Variants in ANKRD31 observed in about 807,000 individuals in gnomAD.
The protein encoded by ANKRD31 is ankyrin repeat domain 31.
A neutral mutation model predicts 186.0 loss-of-function variants in ANKRD31; 147 were observed. The ratio of observed to expected loss-of-function variants is 0.79; its 90% CI spans 0.69 to 0.91. The LOEUF (loss-of-function observed/expected upper bound fraction) is 0.91, where lower values mean the gene tolerates loss of function less well. Among genes scored for constraint, ANKRD31 ranks in the 40% least tolerant of loss-of-function variants. The pLI, the probability that ANKRD31 is intolerant of heterozygous loss-of-function variation, is 0.00. For missense variants in ANKRD31, 1,986 were observed against 2,148.8 expected, an observed-to-expected ratio of 0.92 and a Z score of 1.50; for synonymous variants, 673 against 736.4, an observed-to-expected ratio of 0.91 and a Z score of 1.39.
At position 75,132,560 on chromosome 5, in the gene ANKRD31, C is replaced by T. The variant is rs183973643; in HGVS notation, c.3876+5296G>A. ...ATCTGATCGGTGTACCTGAAAGTGA[C>T]GGGAGAATGGAACCAAGTTGGAAAA... On this transcript the variant is annotated intron_variant, in intron 17 of 25. Transcript: ENST00000506364. Among the ~76,000 whole-genome samples the T allele has an allele frequency of 1.2e-3, 188 of 151,910 alleles. 2 individuals carry two copies. Among genetic ancestry groups the T allele is most frequent in the Middle Eastern group, 6.8e-3 (2 of 294 alleles).
rs1652203310 is a variant in ANKRD31, at chr5:75,084,198, TA to T, written c.5575+73del. The stretch of plus-strand genomic sequence containing the variant: ...CACATCAATGAGAAAAAAGACAAAA[TA>T]AAATGAGTGCTTTTCCAGTAGGTTT... On this transcript the variant is annotated intron_variant, in intron 24 of 25. Coordinates refer to ENST00000506364, the MANE Select transcript of ANKRD31 (RefSeq NM_001372053.1). 5 of 1,097,538 alleles carry T rather than the reference TA, an allele frequency of 4.6e-6. No individual in the cohort carries two copies. The Admixed American group carries it at 6.5e-5, about 14-fold the overall frequency. The allele number at this position is 1,097,538 out of a possible 1,614,324, so 68.0% of individuals were successfully genotyped here.
At chr5:75,175,934 G>C (rs1476628603) in intron 10 of ANKRD31, among the ~76,000 whole-genome samples, 1 of 152,114 alleles carries the variant, frequency 6.6e-6, no homozygotes, top group African/African-American at 2.4e-5. Context: ...GCAGGGTGAG[G>C]CATCGCCACA....
chr5:75,195,718 TC>T lies in ANKRD31; in HGVS notation c.929del (p.Gly310GlufsTer12), dbSNP rs1180828919. Reference sequence around the variant, plus strand: ...CATTTCTGGCAATGAGACTGCTACCTCCCTCTTTTCTGTGACAGATGGTTTC... The same window carrying T: ...CATTTCTGGCAATGAGACTGCTACCTCCTCTTTTCTGTGACAGATGGTTTC... ...KVETICHRKE[G>X]GSSLIARNEC... On this transcript the variant is annotated frameshift_variant, in exon 7 of 26. Coordinates refer to ENST00000506364, the MANE Select transcript of ANKRD31 (RefSeq NM_001372053.1). LOFTEE classifies it high-confidence loss of function. The T allele has an allele frequency of 6.5e-7, 1 of 1,537,550 alleles. No individual in the cohort carries two copies. Among genetic ancestry groups the T allele is most frequent in the Admixed American group, 2.0e-5 (1 of 50,990 alleles).
At chr5:75,108,068 G>T (rs1244483169) in intron 20 of ANKRD31, among the ~76,000 whole-genome samples, 1 of 151,770 alleles carries the variant, frequency 6.6e-6, no homozygotes, top group Non-Finnish European at 1.5e-5. Context: ...TCACCCCACT[G>T]CTTCTTCTCT....
intron 20 of ANKRD31, among the ~76,000 whole-genome samples, chr5:75,112,113 A>AT (rs371520287): frequency 5.3e-5 from 8 of 151,248 alleles, no homozygotes; most frequent in African/African-American, 1.2e-4. Flanking sequence ...ATCTAGAAGT[A>AT]TTTTTTTTTC....
intron 4 of ANKRD31, among the ~76,000 whole-genome samples, chr5:75,207,916 C>T (rs1756359287): frequency 1.3e-5 from 2 of 150,830 alleles, no homozygotes; most frequent in African/African-American, 4.8e-5. Context: ...CTCCTTTATA[C>T]TCTTAAAAAT....
chr5:75,178,677 T>C (rs1324473414), intron 10 of ANKRD31, among the ~76,000 whole-genome samples: 2 of 151,906 alleles, frequency 1.3e-5, no homozygotes, highest in African/African-American at 4.8e-5. Context: ...AGATGTTCTT[T>C]GAAACCAACG....
At chr5:75,114,144 A>G (rs1748008763) in intron 19 of ANKRD31, among the ~76,000 whole-genome samples, 1 of 152,092 alleles carries the variant, frequency 6.6e-6, no homozygotes. Context: ...TTTTTTTTCA[A>G]AAGTTACCTT....
rs754759704 is a variant in ANKRD31, at chr5:75,137,907, A to AT, written c.3824dup (p.Asn1275LysfsTer10). On this transcript the variant is annotated frameshift_variant, in exon 17 of 26. Coordinates refer to ENST00000506364, the MANE Select transcript of ANKRD31 (RefSeq NM_001372053.1). LOFTEE classifies it high-confidence loss of function. ...CATGTAAGGGCAGAATTCCATCTATATTTTCACAATTAACCTTAGCACCAG... is the reference window on the plus strand; with the variant it reads ...CATGTAAGGGCAGAATTCCATCTATATTTTTCACAATTAACCTTAGCACCAG... 47 of 1,533,672 alleles carry AT rather than the reference A, an allele frequency of 3.1e-5. No homozygotes were observed. Among genetic ancestry groups the AT allele is most frequent in the Non-Finnish European group, 3.8e-5 (43 of 1,145,254 alleles).
In ANKRD31 at chr5:75,195,812, T is replaced by A; in HGVS notation, c.836A>T (p.Asp279Val). ...WSACHRDLLE[D>V]AKDDALPAEL... is the part of the protein sequence containing the mutation. ...AGCTGGCAATGCATCATCTTTTGCA[T>A]CTTCTAGTAAATCTCTATGACATGC... The change falls in exon 7 of 26, where the codon GAT becomes GTT. Residue 279 changes from aspartate (D) to valine (V), a missense_variant. Coordinates refer to ENST00000506364, the MANE Select transcript of ANKRD31 (RefSeq NM_001372053.1). The A allele has an allele frequency of 6.5e-7, 1 of 1,537,372 alleles. No individual in the cohort carries two copies. The highest frequency in any genetic ancestry group is 8.7e-7 in the Non-Finnish European group (1 of 1,146,890).
chr5:75,199,445 C>G (rs996032693), intron 6 of ANKRD31, among the ~76,000 whole-genome samples, 186 bp downstream of exon 6: 1 of 152,112 alleles, frequency 6.6e-6, no homozygotes, highest in Non-Finnish European at 1.5e-5. Context: ...CAAGAAAACA[C>G]TTTCATTAGC....
intron 17 of ANKRD31, 99 bp downstream of exon 17, chr5:75,137,757 T>C: frequency 8.6e-7 from 1 of 1,159,276 alleles, no homozygotes; most frequent in Non-Finnish European, 1.1e-6. Context: ...AATCACTTGT[T>C]TTACTGAATC....
intron 23 of ANKRD31, among the ~76,000 whole-genome samples, chr5:75,087,317 G>T (rs181495807): frequency 1.3e-5 from 2 of 152,170 alleles, no homozygotes; most frequent in Non-Finnish European, 2.9e-5. Context: ...TTTGAGCCTG[G>T]TCAACATGGT....
intron 4 of ANKRD31, among the ~76,000 whole-genome samples, chr5:75,209,150 A>G (rs1464992317): frequency 1.3e-5 from 2 of 152,046 alleles, no homozygotes; most frequent in Non-Finnish European, 2.9e-5. Context: ...TTACATTAAA[A>G]CTCATAGTCT....
chr5:75,110,945 A>C (rs1470383236), intron 20 of ANKRD31, among the ~76,000 whole-genome samples: 1 of 151,672 alleles, frequency 6.6e-6, no homozygotes, highest in Non-Finnish European at 1.5e-5. Context: ...TGCTTATATA[A>C]TTTGACCAAT....
chr5:75,091,359 T>C lies in ANKRD31; in HGVS notation c.5374A>G (p.Lys1792Glu). The C allele has an allele frequency of 6.5e-7, 1 of 1,537,028 alleles. No individual in the cohort carries two copies. Residue 1792 changes from lysine to glutamate, a missense_variant, in exon 23 of 26, where the codon AAG becomes GAG. Physicochemically the swap from Lys to Glu is moderately conservative, Grantham distance 56 (BLOSUM62 1). Transcript: ENST00000506364. ...TTATAAATCTGACCACTTTCTACCT[T>C]AAGTTTACCATTCAATAAAATACTG... ...KASILLNGKL[K>E]VESGQIYKNP... is the part of the protein sequence containing the mutation.
chr5:75,118,008 T>C, intron 18 of ANKRD31, 127 bp downstream of exon 18: 1 of 705,908 alleles, frequency 1.4e-6, no homozygotes, highest in Non-Finnish European at 2.0e-6. Context: ...ATAATGGCTT[T>C]TGAAGAGTTT....
At chr5:75,130,021 G>T (rs935199585) in intron 17 of ANKRD31, among the ~76,000 whole-genome samples, 1 of 152,148 alleles carries the variant, frequency 6.6e-6, no homozygotes, top group African/African-American at 2.4e-5. Flanking sequence ...GTGGACCCTC[G>T]TGGTGAGTGT....
intron 25 of ANKRD31, among the ~76,000 whole-genome samples, chr5:75,077,863 C>G (rs1047072539): frequency 1.5e-5 from 2 of 132,330 alleles, no homozygotes; most frequent in East Asian, 2.4e-4. Flanking sequence ...AGGCGGGAGG[C>G]GGAGGTTGCA....
Sources: allele counts gnomAD v4.1 joint callset (sites outside exome capture counted in the v4.1 genomes callset), GRCh38; gene constraint gnomAD v4.1.1; transcripts MANE v1.5; gene names NCBI Gene and HGNC (gene_info 2026-07-23, HGNC 2026-07-21).